Variants in CACNA1C observed in about 807,000 individuals in gnomAD.
CACNA1C encodes the protein voltage-dependent L-type calcium channel subunit alpha-1C.
CACNA1C carries 30 observed loss-of-function variants against 229.0 expected under a neutral mutation model. The ratio of observed to expected loss-of-function variants is 0.13; its 90% CI spans 0.10 to 0.18. The LOEUF (loss-of-function observed/expected upper bound fraction) is 0.18, where lower values mean the gene tolerates loss of function less well. Among genes scored for constraint, CACNA1C ranks in the 10% least tolerant of loss-of-function variants. The pLI, the probability that CACNA1C is intolerant of heterozygous loss-of-function variation, is 1.00. For missense variants in CACNA1C, 1,658 were observed against 2,845.0 expected, an observed-to-expected ratio of 0.58 and a Z score of 9.49; for synonymous variants, 1,114 against 1,132.5, an observed-to-expected ratio of 0.98 and a Z score of 0.33.
chr12:2,509,070 G>A (rs1253511099), intron 8 of CACNA1C, among the ~76,000 whole-genome samples: 2 of 152,212 alleles, frequency 1.3e-5, no homozygotes, highest in South Asian at 2.1e-4. Context: ...CCTCCAGTTG[G>A]CAAGAGGCCC....
chr12:2,493,236 C>G lies in CACNA1C; in HGVS notation c.963C>G (p.Gly321=). Reference sequence around the variant, plus strand: ...CTTCCCCTTGTGCGCTGGAAACGGGCCACGGGCGGCAGTGCCAGAACGGCA... The same window carrying G: ...CTTCCCCTTGTGCGCTGGAAACGGGGCACGGGCGGCAGTGCCAGAACGGCA... The part of the protein sequence containing the change: ...DDPSPCALET[G]HGRQCQNGTV... The change falls in exon 7 of 47, where the codon GGC becomes GGG. Residue 321 remains glycine (G), a synonymous_variant. Transcript: ENST00000399655. The surrounding 1 kb of genome is among the most constrained non-coding windows in gnomAD (Gnocchi z 4.6). 1 of 1,614,024 alleles carries G rather than the reference C, an allele frequency of 6.2e-7. No individual in the cohort carries two copies.
chr12:2,342,751 T>C (rs1024759383), intron 3 of CACNA1C, among the ~76,000 whole-genome samples: 1 of 152,262 alleles, frequency 6.6e-6, no homozygotes, highest in Non-Finnish European at 1.5e-5. Flanking sequence ...GTGTTGCTTC[T>C]GTTTTATTGA....
intron 3 of CACNA1C, among the ~76,000 whole-genome samples, chr12:2,171,050 T>C (rs1227530395): frequency 6.6e-6 from 1 of 152,230 alleles, no homozygotes; most frequent in East Asian, 1.9e-4. Flanking sequence ...CGTGGATGGC[T>C]TTTCACGTGT....
chr12:2,052,524 G>A (rs2052498785), upstream of CACNA1C, among the ~76,000 whole-genome samples: 1 of 151,304 alleles, frequency 6.6e-6, no homozygotes, highest in Non-Finnish European at 1.5e-5. Context: ...ACGCGCCGCC[G>A]CAGCGGAGGA....
intron 3 of CACNA1C, among the ~76,000 whole-genome samples, chr12:2,392,008 G>A (rs61046931): frequency 2.2e-3 from 335 of 152,258 alleles, no homozygotes; most frequent in African/African-American, 7.5e-3. Flanking sequence ...TAAACTCTGC[G>A]TTTCACCATC....
chr12:2,256,090 C>CTATCCTGACCTGACTAGTTTACAAT (rs142296568), intron 3 of CACNA1C, among the ~76,000 whole-genome samples: 3 of 34,888 alleles, frequency 8.6e-5, no homozygotes, highest in Admixed American at 5.9e-4. Flanking sequence ...TACAATCACA[C>CTATCCTGACCTGACTAGTTTACAAT]CTCCTGTTTC....
chr12:2,270,969 G>A (rs1056320312), intron 3 of CACNA1C, among the ~76,000 whole-genome samples: 6 of 152,176 alleles, frequency 3.9e-5, no homozygotes, highest in Admixed American at 2.6e-4. Context: ...TCCCTTTGCC[G>A]AGGGCTGGTG....
intron 1 of CACNA1C, among the ~76,000 whole-genome samples, chr12:2,077,284 C>A (rs767590667): frequency 2.7e-4 from 41 of 152,314 alleles, no homozygotes; most frequent in Admixed American, 3.9e-4. Flanking sequence ...ATTGATTGCA[C>A]ATCTCTCTTT....
intron 3 of CACNA1C, among the ~76,000 whole-genome samples, chr12:2,176,895 G>A (rs2096661999): frequency 6.6e-6 from 1 of 152,130 alleles, no homozygotes; most frequent in South Asian, 2.1e-4. Context: ...TGAAGAATTG[G>A]CATTGGCTAG....
chr12:2,529,768 C>T (rs902127218), intron 9 of CACNA1C, among the ~76,000 whole-genome samples: 3 of 152,234 alleles, frequency 2.0e-5, no homozygotes, highest in Non-Finnish European at 4.4e-5. Flanking sequence ...ACTAATTTCT[C>T]CTCCTCTTTC....
intron 9 of CACNA1C, among the ~76,000 whole-genome samples, chr12:2,525,586 C>T (rs777523745): frequency 6.6e-6 from 1 of 152,194 alleles, no homozygotes; most frequent in Non-Finnish European, 1.5e-5. Flanking sequence ...ATAAACACAC[C>T]CACAAGCAGT....
chr12:2,137,106 G>T (rs2093608557), intron 3 of CACNA1C, among the ~76,000 whole-genome samples: 1 of 151,292 alleles, frequency 6.6e-6, no homozygotes, highest in African/African-American at 2.4e-5. Context: ...GTGCCGAGAG[G>T]CTCCACAGGT....
intron 3 of CACNA1C, among the ~76,000 whole-genome samples, chr12:2,327,187 C>CA (rs534870407): frequency 6.5e-4 from 98 of 151,094 alleles, no homozygotes; most frequent in South Asian, 5.7e-3. Flanking sequence ...GTTTAATTAA[C>CA]AAAAAAAAAG....
chr12:2,350,266 G>A (rs2097166565), intron 3 of CACNA1C, among the ~76,000 whole-genome samples: 1 of 152,208 alleles, frequency 6.6e-6, no homozygotes. Flanking sequence ...GGGTTGTGAT[G>A]AGATGAGTGA....
At chr12:1,988,401 A>G (rs1258417887) in intron 1 of CACNA1C, among the ~76,000 whole-genome samples, 1 of 152,200 alleles carries the variant, frequency 6.6e-6, no homozygotes, top group Non-Finnish European at 1.5e-5. Flanking sequence ...TCACTGGCCA[A>G]AGCAATTAGT....
chr12:2,144,545 G>T lies in CACNA1C; in HGVS notation c.477+24115G>T, dbSNP rs114979340. Among the ~76,000 whole-genome samples, 928 of 151,288 alleles carry T rather than the reference G, an allele frequency of 6.1e-3. 12 individuals carry two copies. Among genetic ancestry groups the T allele is most frequent in the African/African-American group, 0.021 (856 of 41,424 alleles). On this transcript the variant is annotated intron_variant, in intron 3 of 46. Transcript: ENST00000399655. ...GCATCCTTCTATCTAAGGGAGACAG[G>T]TATTCAGTATCTATTTACATAATTA... is the stretch of plus-strand genomic sequence containing the variant.
rs2096907912 is a variant in CACNA1C at position 2,677,963 on chromosome 12, G to A, written c.5091+96G>A. ...TTGCGGGGAACGTCCAGGGGAAGGA[G>A]CTGCACCAGAGGAAAGGGCTACTTC... is the stretch of plus-strand genomic sequence containing the variant. On this transcript the variant is annotated intron_variant, in intron 41 of 46. Transcript: ENST00000399655. The surrounding 1 kb of genome is among the most constrained non-coding windows in gnomAD (Gnocchi z 7.4). 3.5e-6 allele frequency: 5 copies of A among 1,425,272 alleles called. No individual in the cohort carries two copies. Among genetic ancestry groups the A allele is most frequent in the African/African-American group, 2.8e-5 (2 of 71,458 alleles). 88.3% of individuals were successfully genotyped at this position (1,425,272 alleles called of 1,614,324 possible).
intron 29 of CACNA1C, among the ~76,000 whole-genome samples, chr12:2,626,564 G>C (rs952147191): frequency 2.0e-5 from 3 of 152,180 alleles, no homozygotes; most frequent in African/African-American, 7.2e-5. Flanking sequence ...TTGCCTGTGT[G>C]CATGGCCATG....
At chr12:2,033,172 G>C (rs1004952089) in intron 1 of CACNA1C, among the ~76,000 whole-genome samples, 1 of 152,092 alleles carries the variant, frequency 6.6e-6, no homozygotes, top group Non-Finnish European at 1.5e-5. Context: ...ATTCCTTGAC[G>C]TACAAGGAAC....
Sources: allele counts gnomAD v4.1 joint callset (sites outside exome capture counted in the v4.1 genomes callset), GRCh38; gene constraint gnomAD v4.1.1; non-coding constraint Gnocchi (gnomAD v3.1); transcripts MANE v1.5; gene names NCBI Gene and HGNC (gene_info 2026-07-23, HGNC 2026-07-21).